TAF12: variants seen among roughly 807,000 people sequenced by gnomAD.
TAF12 encodes TATA-box binding protein associated factor 12.
Under a neutral mutation model 20.8 loss-of-function variants are expected in TAF12, and 3 were observed. The ratio of observed to expected loss-of-function variants is 0.14; its 90% CI spans 0.07 to 0.37. TAF12 has a LOEUF of 0.37. TAF12 is among the 10% of genes least tolerant of loss of function. The pLI is 1.00. For synonymous variants in TAF12, 69 were observed against 70.2 expected (o/e 0.98, Z 0.09); for missense variants, 131 against 197.9 (o/e 0.66, Z 2.03).
At chr1:28,641,969 T>C (rs1473655345) in intron 1 of TAF12, among the ~76,000 whole-genome samples, 1 of 152,142 alleles carries the variant, frequency 6.6e-6, no homozygotes, top group African/African-American at 2.4e-5. Context: ...CTTTGAACCT[T>C]AGCCTTCTTA....
intron 2 of TAF12, among the ~76,000 whole-genome samples, chr1:28,618,729 A>C (rs1667118398): frequency 6.6e-6 from 1 of 151,930 alleles, no homozygotes; most frequent in African/African-American, 2.4e-5. Context: ...CAGTAAAGGT[A>C]ACCACTTACT....
intron 1 of TAF12, among the ~76,000 whole-genome samples, chr1:28,635,229 CAAAT>C (rs923367570): frequency 5.0e-5 from 7 of 139,992 alleles, no homozygotes; most frequent in East Asian, 2.3e-4. Flanking sequence ...GACTCCGTCT[CAAAT>C]AAATAAATAA....
intron 4 of TAF12, among the ~76,000 whole-genome samples, chr1:28,607,254 A>G (rs1557456261): frequency 6.6e-6 from 1 of 152,260 alleles, no homozygotes; most frequent in Non-Finnish European, 1.5e-5. Flanking sequence ...GACACTGGCC[A>G]GATGTGGTGG....
intron 2 of TAF12, among the ~76,000 whole-genome samples, chr1:28,619,100 C>T (rs920428848): frequency 2.6e-5 from 4 of 151,950 alleles, no homozygotes; most frequent in Non-Finnish European, 5.9e-5. Context: ...GCCTGTAATC[C>T]CACCACTTTG....
chr1:28,639,833 G>A (rs946181701), intron 1 of TAF12, among the ~76,000 whole-genome samples: 3 of 150,956 alleles, frequency 2.0e-5, no homozygotes, highest in African/African-American at 7.3e-5. Flanking sequence ...TTAAGCCCTT[G>A]TTTTTCAAAT....
chr1:28,625,374 TTC>T (rs537080097), intron 1 of TAF12, among the ~76,000 whole-genome samples: 4 of 152,016 alleles, frequency 2.6e-5, no homozygotes, highest in Admixed American at 6.6e-5. Context: ...CACTGTCCCT[TTC>T]TCTCTTTTTT....
chr1:28,628,209 C>A (rs1667484483), intron 1 of TAF12, among the ~76,000 whole-genome samples: 1 of 82,498 alleles, frequency 1.2e-5, no homozygotes, highest in South Asian at 3.4e-4. Context: ...CAAAAATTAG[C>A]CAGACACGGT....
intron 4 of TAF12, among the ~76,000 whole-genome samples, chr1:28,610,268 G>A (rs968024773): frequency 2.0e-5 from 3 of 152,030 alleles, no homozygotes; most frequent in South Asian, 2.1e-4. Context: ...GCGCCTGGCC[G>A]ATTTGTTTTT....
At chr1:28,629,615 C>T (rs1336424976) in intron 1 of TAF12, among the ~76,000 whole-genome samples, 1 of 152,102 alleles carries the variant, frequency 6.6e-6, no homozygotes, top group South Asian at 2.1e-4. Context: ...GGATTACAGG[C>T]GTGAGCCACT....
chr1:28,625,643 G>A (rs762123081), intron 1 of TAF12, among the ~76,000 whole-genome samples: 19 of 149,576 alleles, frequency 1.3e-4, no homozygotes, highest in South Asian at 4.2e-4. Context: ...CTGGGTTCAC[G>A]CCATTCTCCT....
rs760116334 is a variant in TAF12 at position 28,613,256 on chromosome 1, G to C, written c.352C>G (p.Leu118Val). ...SSTLEVKDVQ[L>V]HLERQWNMWI... ...AAACAAGACCACATACCTAAATGCA[G>C]CTGGACATCTTTCACCTCCAGGGTG... The change falls in exon 4 of 6, where the codon CTG becomes GTG. Residue 118 changes from leucine to valine, a missense_variant. This residue lies in a region of TAF12 where 60 missense variants were observed against 90.2 expected (regional missense o/e 0.66). Coordinates refer to ENST00000373824, the MANE Select transcript of TAF12 (RefSeq NM_005644.4). The C allele has an allele frequency of 1.9e-6, 3 of 1,608,990 alleles. No homozygotes were observed. Among genetic ancestry groups the C allele is most frequent in the Admixed American group, 1.7e-5 (1 of 59,260 alleles).
intron 3 of TAF12, among the ~76,000 whole-genome samples, chr1:28,613,759 T>C (rs902334162): frequency 1.3e-5 from 2 of 152,228 alleles, no homozygotes; most frequent in African/African-American, 4.8e-5. Flanking sequence ...ATTTTATTCA[T>C]TCCATAGAGG....
At chr1:28,633,301 G>T (rs1667702912) in intron 1 of TAF12, among the ~76,000 whole-genome samples, 2 of 150,780 alleles carry the variant, frequency 1.3e-5, no homozygotes, top group African/African-American at 4.9e-5. Context: ...AGAGTAGCTG[G>T]GATTACAGGC....
intron 1 of TAF12, 183 bp downstream of exon 1, chr1:28,642,809 G>C (rs748704771): frequency 1.2e-4 from 119 of 985,642 alleles, no homozygotes; most frequent in Non-Finnish European, 1.4e-4. Flanking sequence ...CTTAGAGCCC[G>C]GGTCCCCACA....
intron 1 of TAF12, chr1:28,642,775 C>T (rs1008439438): frequency 9.1e-6 from 9 of 985,492 alleles, no homozygotes; most frequent in Middle Eastern, 1.0e-3. Flanking sequence ...GAACTCGCAT[C>T]CGTCCCCGTT....
upstream of TAF12, among the ~76,000 whole-genome samples, chr1:28,647,999 A>G (rs1271700440): frequency 1.3e-5 from 2 of 152,168 alleles, no homozygotes; most frequent in African/African-American, 4.8e-5. Context: ...AAAAAAAAAA[A>G]ATTCTAATAC....
upstream of TAF12, chr1:28,643,188 G>A (rs1427617782): frequency 4.6e-6 from 4 of 865,780 alleles, no homozygotes; most frequent in Non-Finnish European, 5.6e-6. Context: ...TCCGACACGT[G>A]GTGGCGATAT....
In TAF12 at chr1:28,637,303, G is replaced by A. The variant is rs567496142; in HGVS notation, c.-85+5689C>T. On this transcript the variant is annotated intron_variant, in intron 1 of 5. Transcript: ENST00000373824. The stretch of plus-strand genomic sequence containing the variant: ...CACCCAGGCTCGAGCGCAGTGGCAC[G>A]ATCTTGGTTCACTGCAACCTCCGCC... 9.2e-5 allele frequency among the ~76,000 whole-genome samples: 14 copies of A among 152,018 alleles called. No individual in the cohort carries two copies. The South Asian group carries it at 2.1e-3, about 23-fold the overall frequency.
chr1:28,636,909 G>A (rs1389789903), intron 1 of TAF12, among the ~76,000 whole-genome samples: 2 of 152,194 alleles, frequency 1.3e-5, no homozygotes, highest in Admixed American at 6.5e-5. Flanking sequence ...GGAGTGCGAG[G>A]CTGTAGTACA....
Sources: allele counts gnomAD v4.1 joint callset (sites outside exome capture counted in the v4.1 genomes callset), GRCh38; gene constraint gnomAD v4.1.1; regional missense constraint gnomAD v4.1.1; transcripts MANE v1.5; gene names NCBI Gene and HGNC (gene_info 2026-07-23, HGNC 2026-07-21).